ARHGEF2: variants seen among roughly 807,000 people sequenced by gnomAD.
The protein encoded by ARHGEF2 is Rho/Rac guanine nucleotide exchange factor 2, also known as rho guanine nucleotide exchange factor 2.
In ARHGEF2, 22 loss-of-function variants were observed where a neutral mutation model predicts 121.0. The observed-to-expected ratio is 0.18, with a 90% CI of 0.13 to 0.26. The LOEUF is 0.26. Among genes scored for constraint, ARHGEF2 ranks in the 10% least tolerant of loss-of-function variants. The pLI, the probability that ARHGEF2 is intolerant of heterozygous loss-of-function variation, is 1.00. For synonymous variants in ARHGEF2, 487 were observed against 530.0 expected, an observed-to-expected ratio of 0.92 and a Z score of 1.11; for missense variants, 907 against 1,336.0, an observed-to-expected ratio of 0.68 and a Z score of 5.01.
At position 155,951,532 on chromosome 1, in the gene ARHGEF2, T is replaced by C; in HGVS notation, c.2210A>G (p.Glu737Gly). 1 of 1,614,112 alleles carries C rather than the reference T, an allele frequency of 6.2e-7. No homozygotes were observed. Among genetic ancestry groups the C allele is most frequent in the Non-Finnish European group, 8.5e-7 (1 of 1,180,014 alleles). ...NGNQLRSPQEEALQRLVNLYG... is the reference protein window; with the variant it reads ...NGNQLRSPQEGALQRLVNLYG... ...GAGATTGACCAATCGCTGTAACGCC[T>C]CCTGAGGACAGACAGGGTGGGAACA... Residue 737 changes from glutamate to glycine, a missense_variant and splice_region_variant, in exon 19 of 22, where the codon GAG becomes GGG. Glu to Gly is a moderately conservative substitution (Grantham distance 98). Transcript: ENST00000361247. The surrounding 1 kb of genome is among the most constrained non-coding windows in gnomAD (Gnocchi z 5.1).
At chr1:155,979,464 C>T (rs533416203), upstream of ARHGEF2, among the ~76,000 whole-genome samples, 1 of 152,342 alleles carries the variant, frequency 6.6e-6, no homozygotes, top group African/African-American at 2.4e-5. Context: ...GGGTGAGTTT[C>T]CTGCTATTGG....
chr1:155,970,963 GCTCT>G (rs1680344177), intron 1 of ARHGEF2: 12 of 986,394 alleles, frequency 1.2e-5, no homozygotes, highest in Non-Finnish European at 1.3e-5. Context: ...CCTGTCTCCT[GCTCT>G]CTCTATGTCC....
At position 155,950,814 on chromosome 1, in the gene ARHGEF2, T is replaced by G. The variant is rs1557990927; in HGVS notation, c.2703+15A>C. On this transcript the variant is annotated intron_variant, in intron 20 of 21. Transcript: ENST00000361247. The surrounding 1 kb of genome is among the most constrained non-coding windows in gnomAD (Gnocchi z 5.2). The stretch of plus-strand genomic sequence containing the variant: ...TGTCCACCCCAGGTCCATTCACCAC[T>G]GCAGGCCACCTTACCTGTGGGGGGT... The G allele has an allele frequency of 6.6e-7, 1 of 1,517,878 alleles. No individual in the cohort carries two copies. 94.0% of individuals were successfully genotyped at this position (1,517,878 alleles called of 1,614,324 possible). A position where few individuals can be genotyped will look rare whatever the true frequency, so the allele number is the denominator to read the frequency against.
chr1:155,957,161 T>C (rs528646048), intron 13 of ARHGEF2, among the ~76,000 whole-genome samples: 1 of 152,352 alleles, frequency 6.6e-6, no homozygotes, highest in East Asian at 1.9e-4. Context: ...TTTGATGTTT[T>C]TTCCCATCAC....
rs967005370 is a variant in ARHGEF2, at chr1:155,948,903, C to G, written c.2888-888G>C. On this transcript the variant is annotated intron_variant, in intron 21 of 21. Transcript: ENST00000361247. ...AAGTGATCCTCTCACCTCACTCTCA[C>G]TCTCCGTAGCTAGGACTACAGGCTC... Among the ~76,000 whole-genome samples, 6 of 152,158 alleles carry G rather than the reference C, an allele frequency of 3.9e-5. No individual in the cohort carries two copies. In the South Asian group the frequency reaches 1.0e-3, roughly 26 times the overall value.
At chr1:155,956,924 C>G (rs1012291025) in intron 13 of ARHGEF2, among the ~76,000 whole-genome samples, 2 of 140,608 alleles carry the variant, frequency 1.4e-5, no homozygotes, top group African/African-American at 2.6e-5. Flanking sequence ...TGCCTGGGGT[C>G]GTGGTGGGCA....
Position 155,951,201 on chromosome 1 carries a change from C to T in ARHGEF2, c.2331G>A (p.Leu777=). The T allele has an allele frequency of 2.5e-6, 4 of 1,608,000 alleles. No homozygotes were observed. The highest frequency in any genetic ancestry group is 1.1e-5 in the South Asian group (1 of 90,476). Reference sequence around the variant, plus strand: ...CCCCATCCCGAGAGTTGGCTCGGCACAGCTTCTCCCGCCGCTCAGGGCCCT... The same window carrying T: ...CCCCATCCCGAGAGTTGGCTCGGCATAGCTTCTCCCGCCGCTCAGGGCCCT... ...FPEGPERREK[L]CRANSRDGEA... The change falls in exon 20 of 22, where the codon CTG becomes CTA. Residue 777 remains leucine, a synonymous_variant. Transcript: ENST00000361247. This position sits in a 1 kb window ranked among gnomAD's most constrained non-coding sequence, Gnocchi z 5.1.
intron 15 of ARHGEF2, 79 bp from the exon 16 acceptor site, chr1:155,952,314 A>G (rs749484791): frequency 2.0e-4 from 318 of 1,578,644 alleles, no homozygotes; most frequent in Non-Finnish European, 2.1e-4. Context: ...CACATGTGGG[A>G]CACTTGGGCA....
intron 1 of ARHGEF2, among the ~76,000 whole-genome samples, chr1:155,975,259 C>G (rs1225247149): frequency 6.6e-6 from 1 of 152,116 alleles, no homozygotes; most frequent in Non-Finnish European, 1.5e-5. Context: ...ACTGACACAC[C>G]AGCACACCAG....
At position 155,961,851 on chromosome 1, in the gene ARHGEF2, C is replaced by T. The variant is rs755256817; in HGVS notation, c.1278G>A (p.Leu426=). 6.2e-7 allele frequency: 1 copy of T among 1,614,216 alleles called. No individual in the cohort carries two copies. The highest frequency in any genetic ancestry group is 1.1e-5 in the South Asian group (1 of 91,080). The change falls in exon 11 of 22, where the codon CTG becomes CTA. Residue 426 remains leucine (L), a synonymous_variant. Coordinates refer to ENST00000361247, the MANE Select transcript of ARHGEF2 (RefSeq NM_001162383.2). The surrounding 1 kb of genome is among the most constrained non-coding windows in gnomAD (Gnocchi z 4.7). Reference sequence around the variant, plus strand: ...GATAAATACCCTCGTCCACATTGGACAGCAGCTCCTTCACTAGCCCCAGTG... The same window carrying T: ...GATAAATACCCTCGTCCACATTGGATAGCAGCTCCTTCACTAGCCCCAGTG... ...TTALGLVKEL[L]SNVDEGIYQL...
intron 21 of ARHGEF2, among the ~76,000 whole-genome samples, chr1:155,949,120 T>C (rs902656151): frequency 6.6e-6 from 1 of 151,700 alleles, no homozygotes; most frequent in African/African-American, 2.4e-5. Flanking sequence ...GGTGTGGTAG[T>C]GCATGCCTGT....
rs1477019422 is a variant in ARHGEF2, at chr1:155,965,376, C to A, written c.507G>T (p.Arg169=). The A allele has an allele frequency of 6.2e-7, 1 of 1,614,034 alleles. No individual in the cohort carries two copies. The highest frequency in any genetic ancestry group is 1.7e-5 in the Admixed American group (1 of 59,994). The change falls in exon 6 of 22, where the codon CGG becomes CGT. Residue 169 remains arginine, a synonymous_variant. Transcript: ENST00000361247. The surrounding 1 kb of genome is among the most constrained non-coding windows in gnomAD (Gnocchi z 6.0). ...GGGAGTCTGTGGACTGTGAGAGGATCCGGCGCAGCCCCAGGGGAGACTCAT... is the reference window on the plus strand; with the variant it reads ...GGGAGTCTGTGGACTGTGAGAGGATACGGCGCAGCCCCAGGGGAGACTCAT... The part of the protein sequence containing the change: ...FNDESPLGLR[R]ILSQSTDSLN...
At position 155,950,729 on chromosome 1, in the gene ARHGEF2, G is replaced by A. The variant is rs930914902; in HGVS notation, c.2703+100C>T. The A allele has an allele frequency of 9.0e-6, 11 of 1,221,754 alleles. No homozygotes were observed. The highest frequency in any genetic ancestry group is 9.2e-6 in the Non-Finnish European group (8 of 867,424). The allele number at this position is 1,221,754 out of a possible 1,614,324, so 75.7% of individuals were successfully genotyped here. A position where few individuals can be genotyped will look rare whatever the true frequency, so the allele number is the denominator to read the frequency against. Reference sequence around the variant, plus strand: ...TCAATATCCTTCAAGTCAGTTGACTGATTGCATTTGGGCTCAAATCCCCAA... The same window carrying A: ...TCAATATCCTTCAAGTCAGTTGACTAATTGCATTTGGGCTCAAATCCCCAA... On this transcript the variant is annotated intron_variant, in intron 20 of 21. Transcript: ENST00000361247. This position sits in a 1 kb window ranked among gnomAD's most constrained non-coding sequence, Gnocchi z 5.2.
intron 1 of ARHGEF2, among the ~76,000 whole-genome samples, chr1:155,977,415 G>A (rs747266197): frequency 2.6e-5 from 4 of 152,120 alleles, no homozygotes; most frequent in African/African-American, 4.8e-5. Context: ...GTGGCCAAGA[G>A]GTCATGATGG....
At chr1:155,973,465 G>A (rs1680806136) in intron 1 of ARHGEF2, among the ~76,000 whole-genome samples, 1 of 152,142 alleles carries the variant, frequency 6.6e-6, no homozygotes, top group South Asian at 2.1e-4. Context: ...ACAGGGCCAG[G>A]CCGAGCGCAG....
chr1:155,972,795 G>A (rs777270586), intron 1 of ARHGEF2, among the ~76,000 whole-genome samples: 1 of 151,180 alleles, frequency 6.6e-6, no homozygotes, highest in South Asian at 2.1e-4. Flanking sequence ...TTGACCTCCC[G>A]GGCTCAAGTG....
At chr1:155,969,697 G>A in intron 1 of ARHGEF2, 1 of 1,011,890 alleles carries the variant, frequency 9.9e-7, no homozygotes, top group Non-Finnish European at 1.2e-6. Flanking sequence ...GGGAGAGCAG[G>A]CGAAGCGGAG....
At chr1:155,955,073 G>A in intron 13 of ARHGEF2, 104 bp from the exon 14 acceptor site, 1 of 889,060 alleles carries the variant, frequency 1.1e-6, no homozygotes, top group Non-Finnish European at 1.8e-6. Flanking sequence ...TCCATCTTCT[G>A]ATAAGACTCC....
Position 155,947,780 on chromosome 1 carries a change from A to G in ARHGEF2, c.*162T>C, listed in dbSNP as rs891095008. ...GGGGGTGTTGTGGCCTAATTCCCCT[A>G]GCTTCTTAAATGGCCCCAGGTATCC... On this transcript the variant is annotated 3_prime_UTR_variant, in exon 22 of 22. Coordinates refer to ENST00000361247, the MANE Select transcript of ARHGEF2 (RefSeq NM_001162383.2). The G allele has an allele frequency of 8.7e-6, 5 of 573,502 alleles. No homozygotes were observed. The highest frequency in any genetic ancestry group is 5.7e-5 in the African/African-American group (3 of 52,784). 35.5% of individuals were successfully genotyped at this position (573,502 alleles called of 1,614,324 possible).
Sources: allele counts gnomAD v4.1 joint callset (sites outside exome capture counted in the v4.1 genomes callset), GRCh38; gene constraint gnomAD v4.1.1; non-coding constraint Gnocchi (gnomAD v3.1); transcripts MANE v1.5; gene names NCBI Gene and HGNC (gene_info 2026-07-23, HGNC 2026-07-21).